The following SLC28A3 variants were observed in gnomAD, a reference collection of about 807,000 sequenced individuals.
The protein encoded by SLC28A3 is solute carrier family 28 member 3.
In SLC28A3, 68 loss-of-function variants were observed where a neutral mutation model predicts 84.2. The ratio of observed to expected loss-of-function variants is 0.81; its 90% CI spans 0.66 to 0.99. The LOEUF is 0.99. SLC28A3 is among the 50% of genes least tolerant of loss of function. The pLI, the probability that SLC28A3 is intolerant of heterozygous loss-of-function variation, is 0.00. For missense variants in SLC28A3, 712 were observed against 841.5 expected (o/e 0.85, Z 1.90); for synonymous variants, 267 against 303.6 (o/e 0.88, Z 1.25).
the SLC28A3 span, among the ~76,000 whole-genome samples, chr9:84,366,063 C>CA: frequency 0.044 from 6,631 of 151,516 alleles, 205 homozygotes; most frequent in African/African-American, 0.089. Context: ...AACAAAAAAA[C>CA]AAAAAAAAGA....
the SLC28A3 span, among the ~76,000 whole-genome samples, chr9:84,365,270 A>G: frequency 6.6e-6 from 1 of 152,102 alleles, no homozygotes; most frequent in Non-Finnish European, 1.5e-5. Flanking sequence ...TCTGATGATC[A>G]GTGATGTTGA....
the SLC28A3 span, among the ~76,000 whole-genome samples, chr9:84,347,867 G>T: frequency 1.3e-5 from 2 of 152,172 alleles, no homozygotes; most frequent in South Asian, 2.1e-4. Context: ...ATTGAACAAA[G>T]GTACACAAAG....
At chr9:84,324,537 G>A (rs539327662) in intron 1 of SLC28A3, among the ~76,000 whole-genome samples, 26 of 151,926 alleles carry the variant, frequency 1.7e-4, no homozygotes, top group Admixed American at 3.9e-4. Context: ...CCAGCTACTT[G>A]GGAGGCTGAG....
the SLC28A3 span, among the ~76,000 whole-genome samples, chr9:84,355,125 G>A: frequency 1.3e-5 from 2 of 152,238 alleles, no homozygotes; most frequent in South Asian, 2.1e-4. Context: ...GGTGCTGGAC[G>A]TCGTATGGAG....
intron 1 of SLC28A3, among the ~76,000 whole-genome samples, chr9:84,327,450 G>A (rs185852850): frequency 1.7e-4 from 25 of 151,502 alleles, no homozygotes; most frequent in East Asian, 1.4e-3. Flanking sequence ...GCTTTGTGGT[G>A]TCTTAAATTA....
intron 1 of SLC28A3, among the ~76,000 whole-genome samples, chr9:84,331,685 G>A (rs993755232): frequency 3.3e-5 from 5 of 152,184 alleles, no homozygotes; most frequent in African/African-American, 9.7e-5. Flanking sequence ...TCTGAGAGCA[G>A]CTGTGGTAAG....
At chr9:84,355,869 A>C in the SLC28A3 span, among the ~76,000 whole-genome samples, 1 of 152,132 alleles carries the variant, frequency 6.6e-6, no homozygotes, top group Non-Finnish European at 1.5e-5. Context: ...GCTGGATTGC[A>C]GTGGTACAAT....
At chr9:84,323,278 G>C (rs945858648) in intron 1 of SLC28A3, among the ~76,000 whole-genome samples, 3 of 152,180 alleles carry the variant, frequency 2.0e-5, no homozygotes, top group Non-Finnish European at 2.9e-5. Context: ...TGGAGTATTA[G>C]TATACCTATT....
At chr9:84,282,484 G>T (rs887451821) in intron 14 of SLC28A3, among the ~76,000 whole-genome samples, 2 of 152,204 alleles carry the variant, frequency 1.3e-5, no homozygotes, top group African/African-American at 4.8e-5. Context: ...TCTGGCCATG[G>T]TGTGTGTACC....
Position 84,279,290 on chromosome 9 carries a change from C to CTAT in SLC28A3, c.1921_1923dup (p.Ile641dup). ...CTGCTCAACAGACTTTGGCAACAAG[C>CTAT]TATCACCTTGGTTGTGTTTCCAGGG... On this transcript the variant is annotated inframe_insertion, in exon 17 of 18. Coordinates refer to ENST00000376238, the MANE Select transcript of SLC28A3 (RefSeq NM_001199633.2). 1 of 1,611,706 alleles carries CTAT rather than the reference C, an allele frequency of 6.2e-7. No individual in the cohort carries two copies. The highest frequency in any genetic ancestry group is 1.3e-5 in the African/African-American group (1 of 74,794).
At chr9:84,368,337 A>G in the SLC28A3 span, among the ~76,000 whole-genome samples, 1 of 152,170 alleles carries the variant, frequency 6.6e-6, no homozygotes, top group Non-Finnish European at 1.5e-5. Context: ...CAGCATCTCA[A>G]AGCAGAACAA....
At position 84,340,695 on chromosome 9, in the gene SLC28A3, G is replaced by A. The variant is rs11568402; in HGVS notation, c.-62C>T. On this transcript the variant is annotated 5_prime_UTR_variant, in exon 1 of 18. Transcript: ENST00000376238. The stretch of plus-strand genomic sequence containing the variant: ...CCTTTGTACCTGGGAAAAAGCACCA[G>A]TCTCTGCTGATGTCAGAAAGCCACC... 601 of 1,598,546 alleles carry A rather than the reference G, an allele frequency of 3.8e-4. 3 individuals carry two copies. In the African/African-American group the frequency reaches 7.1e-3, roughly 19 times the overall value.
intron 1 of SLC28A3, among the ~76,000 whole-genome samples, chr9:84,328,707 C>G (rs1470950271): frequency 2.0e-5 from 3 of 152,076 alleles, no homozygotes; most frequent in African/African-American, 7.2e-5. Flanking sequence ...TGCAGTGAAC[C>G]AAAATAACAC....
intron 1 of SLC28A3, among the ~76,000 whole-genome samples, chr9:84,335,192 C>T (rs921351510): frequency 6.6e-6 from 1 of 152,146 alleles, no homozygotes. Context: ...AACCAACAGG[C>T]CTCAAAGAGA....
At chr9:84,315,562 C>T (rs112158936) in intron 1 of SLC28A3, among the ~76,000 whole-genome samples, 4 of 152,266 alleles carry the variant, frequency 2.6e-5, no homozygotes, top group African/African-American at 9.6e-5. Context: ...AGAGTGGGCA[C>T]TCCTTTAAGT....
At chr9:84,368,261 T>A in the SLC28A3 span, among the ~76,000 whole-genome samples, 1 of 152,184 alleles carries the variant, frequency 6.6e-6, no homozygotes, top group Non-Finnish European at 1.5e-5. Context: ...CTAAATCCCT[T>A]AAACCTTGAT....
chr9:84,326,648 C>T (rs1014301244), intron 1 of SLC28A3, among the ~76,000 whole-genome samples: 5 of 111,340 alleles, frequency 4.5e-5, no homozygotes, highest in African/African-American at 1.5e-4. Flanking sequence ...ACAACAACAA[C>T]AACAACAACA....
intron 2 of SLC28A3, 102 bp downstream of exon 2, chr9:84,313,257 C>A (rs1371647907): frequency 9.9e-6 from 9 of 908,746 alleles, no homozygotes; most frequent in South Asian, 1.6e-5. Flanking sequence ...TGTTCCTCTG[C>A]GTGCCAGTGG....
intron 1 of SLC28A3, among the ~76,000 whole-genome samples, chr9:84,319,438 A>G (rs1443210934): frequency 6.6e-6 from 1 of 152,156 alleles, no homozygotes; most frequent in East Asian, 1.9e-4. Flanking sequence ...GCTGAGGCAG[A>G]CGGGTCACTT....
Sources: gnomAD v4.1 joint callset for allele counts (sites outside exome capture counted in the v4.1 genomes callset) on GRCh38, gnomAD v4.1.1 for gene constraint, MANE v1.5 for transcripts, NCBI Gene and HGNC (gene_info 2026-07-23, HGNC 2026-07-21) for gene names.